Variants in PRR4 observed in about 807,000 individuals in gnomAD.
PRR4 encodes proline-rich protein 4.
PRR4 carries 7 observed loss-of-function variants against 7.6 expected under a neutral mutation model. That is an observed-to-expected ratio of 0.92 (90% confidence interval 0.52 to 1.73). The LOEUF (loss-of-function observed/expected upper bound fraction) is 1.73, where lower values mean the gene tolerates loss of function less well. PRR4 is among the 40% of genes most tolerant of loss of function. The pLI is 0.00. For synonymous variants in PRR4, 64 were observed against 58.5 expected (o/e 1.09, Z -0.43); for missense variants, 187 against 161.0 (o/e 1.16, Z -0.87).
intron 1 of PRR4, 70 bp downstream of exon 1, chr12:10,849,304 G>T: frequency 1.1e-6 from 1 of 939,478 alleles, no homozygotes; most frequent in Non-Finnish European, 1.6e-6. Context: ...GTGAACCCCT[G>T]AGGCCCTAGA....
Position 10,846,895 on chromosome 12 carries a change from A to G in PRR4, c.*18+150T>C, listed in dbSNP as rs1949024901. ...CTTGTTAAAAATACAAGGACTTGCA[A>G]CCTTATCCAAGAATATCTGAATACA... On this transcript the variant is annotated intron_variant, in intron 3 of 3. Coordinates refer to ENST00000228811, the MANE Select transcript of PRR4 (RefSeq NM_007244.3). 5 of 734,318 alleles carry G rather than the reference A, an allele frequency of 6.8e-6. No homozygotes were observed. The South Asian group carries it at 1.3e-4, about 19-fold the overall frequency. 45.5% of individuals were successfully genotyped at this position (734,318 alleles called of 1,614,324 possible). A position where few individuals can be genotyped will look rare whatever the true frequency, so the allele number is the denominator to read the frequency against.
intron 1 of PRR4, chr12:10,848,881 C>T (rs931470527): frequency 2.5e-5 from 4 of 158,350 alleles, no homozygotes; most frequent in Non-Finnish European, 5.5e-5. Context: ...TATTTCTATA[C>T]CACTATGTAG....
chr12:10,849,078 A>G, intron 1 of PRR4: 1 of 168,770 alleles, frequency 5.9e-6, no homozygotes, highest in East Asian at 1.6e-4. Context: ...CATCCTTCAC[A>G]GCACAGCCAG....
intron 1 of PRR4, chr12:10,848,668 T>A (rs114009206): frequency 6.6e-4 from 257 of 391,102 alleles, no homozygotes; most frequent in African/African-American, 4.7e-3. Context: ...CTAATGCTAA[T>A]TTAGGCACAC....
At position 10,846,308 on chromosome 12, in the gene PRR4, T is replaced by A. The variant is rs186747740; in HGVS notation, c.*19-358A>T. Among the ~76,000 whole-genome samples the A allele has an allele frequency of 1.1e-4, 16 of 152,286 alleles. No homozygotes were observed. In the East Asian group the frequency reaches 2.3e-3, roughly 22 times the overall value. ...AGATCTATAGGTCTCCGTGAAATGA[T>A]AAAGTTGTCTAAGACATGTATTATT... On this transcript the variant is annotated intron_variant, in intron 3 of 3. Transcript: ENST00000228811.
rs766670007 is a variant in PRR4, at chr12:10,847,161, A to C, written c.307T>G (p.Ser103Ala). The C allele has an allele frequency of 6.2e-7, 1 of 1,613,654 alleles. No homozygotes were observed. The highest frequency in any genetic ancestry group is 8.5e-7 in the Non-Finnish European group (1 of 1,179,830). Residue 103 changes from serine (S) to alanine (A), a missense_variant, in exon 3 of 4, where the codon TCT becomes GCT. By Grantham distance (99) the Ser-to-Ala change is moderately conservative (BLOSUM62 1). Coordinates refer to ENST00000228811, the MANE Select transcript of PRR4 (RefSeq NM_007244.3). Reference sequence around the variant, plus strand: ...CTGACAGAAGGAAATCGGGGTAGAGAGAGTTGACGGTGTCCTCGTCGGGGT... The same window carrying C: ...CTGACAGAAGGAAATCGGGGTAGAGCGAGTTGACGGTGTCCTCGTCGGGGT... ...RPPRRGHRQL[S>A]LPRFPSVSLQ...
rs771692134 is a variant in PRR4, at chr12:10,847,179, G to A, written c.289C>T (p.Arg97Ter). ...PFQNQQRPPR[R>*]GHRQLSLPRF... is the part of the protein sequence containing the mutation. ...GGTAGAGAGAGTTGACGGTGTCCTC[G>A]TCGGGGTGGTCGTTGCTGATTTTGA... Residue 97 changes from arginine (R) to a stop codon, truncating the protein, a stop_gained, in exon 3 of 4, where the codon CGA (arginine) becomes TGA (stop). Transcript: ENST00000228811. LOFTEE classifies it low-confidence loss of function (END_TRUNC). 48 of 1,613,760 alleles carry A rather than the reference G, an allele frequency of 3.0e-5. No individual in the cohort carries two copies. Among genetic ancestry groups the A allele is most frequent in the Non-Finnish European group, 3.8e-5 (45 of 1,179,890 alleles).
rs1340660234 is a variant in PRR4, at chr12:10,847,288, A to T, written c.180T>A (p.Gly60=). ...PPEGLLPRPP[G]DSGNQDDGPQ... ...GACCATCATCTTGGTTACCACTATC[A>T]CCAGGGGGTCTAGGTAGGAGTCCTT... Residue 60 remains glycine, a synonymous_variant, in exon 3 of 4, where the codon GGT becomes GGA. Coordinates refer to ENST00000228811, the MANE Select transcript of PRR4 (RefSeq NM_007244.3). The T allele has an allele frequency of 1.2e-6, 2 of 1,609,552 alleles. No individual in the cohort carries two copies. Among genetic ancestry groups the T allele is most frequent in the Non-Finnish European group, 8.5e-7 (1 of 1,177,184 alleles).
rs1369520425 is a variant in PRR4 at position 10,848,386 on chromosome 12, G to T, written c.86C>A (p.Thr29Asn). The T allele has an allele frequency of 1.3e-5, 21 of 1,610,770 alleles. No homozygotes were observed. The highest frequency in any genetic ancestry group is 1.5e-5 in the Non-Finnish European group (18 of 1,177,244). ...TTGGGATTTACCTGGTATGGTGAAA[G>T]TAAAGTCTTCATAGTTCACATCTAG... The part of the protein sequence containing the change: ...TDNDVNYEDF[T>N]FTIPDVEDSS... Residue 29 changes from threonine to asparagine, a missense_variant, in exon 2 of 4, where the codon ACT becomes AAT. Physicochemically the swap from Thr to Asn is moderately conservative, Grantham distance 65. Transcript: ENST00000228811.
intron 3 of PRR4, 94 bp from the exon 4 acceptor site, chr12:10,846,044 T>C (rs1283157611): frequency 1.1e-6 from 1 of 876,166 alleles, no homozygotes; most frequent in Non-Finnish European, 1.5e-6. Context: ...AAGTAAATTA[T>C]TGCTTTCAAG....
intron 3 of PRR4, 97 bp from the exon 4 acceptor site, chr12:10,846,047 C>T (rs1949012849): frequency 7.1e-6 from 6 of 840,648 alleles, no homozygotes; most frequent in Non-Finnish European, 8.0e-6. Flanking sequence ...TAAATTATTG[C>T]TTTCAAGATT....
In PRR4 at chr12:10,845,933, T is replaced by C; in HGVS notation, c.*36A>G. On this transcript the variant is annotated 3_prime_UTR_variant, in exon 4 of 4. Transcript: ENST00000228811. ...AATGTCATGGCTTTCTGAAGGAAGT[T>C]ATCTTCTTATTTATTTTCTGAAACA... 1 of 1,336,322 alleles carries C rather than the reference T, an allele frequency of 7.5e-7. No individual in the cohort carries two copies. Among genetic ancestry groups the C allele is most frequent in the Admixed American group, 2.8e-5 (1 of 35,114 alleles). The allele number at this position is 1,336,322 out of a possible 1,614,324, so 82.8% of individuals were successfully genotyped here. A position where few individuals can be genotyped will look rare whatever the true frequency, so the allele number is the denominator to read the frequency against.
intron 2 of PRR4, among the ~76,000 whole-genome samples, chr12:10,847,647 T>A (rs1949038421): frequency 6.7e-6 from 1 of 149,958 alleles, no homozygotes; most frequent in Non-Finnish European, 1.5e-5. Context: ...TGCCAGAGGA[T>A]GTCTCCAAGG....
chr12:10,847,043 A>G lies in PRR4; in HGVS notation c.*18+2T>C. The stretch of plus-strand genomic sequence containing the variant: ...TTAATGGAGAATGAACTGGAATCAT[A>G]CCTGCCACTGAATTCTAGATTACCA... On this transcript the variant is annotated splice_donor_variant, in intron 3 of 3. Coordinates refer to ENST00000228811, the MANE Select transcript of PRR4 (RefSeq NM_007244.3). LOFTEE classifies it low-confidence loss of function (3UTR_SPLICE). The G allele has an allele frequency of 1.3e-6, 2 of 1,544,492 alleles. No homozygotes were observed. The highest frequency in any genetic ancestry group is 1.8e-6 in the Non-Finnish European group (2 of 1,139,924).
chr12:10,846,150 T>C (rs1055959929), intron 3 of PRR4, among the ~76,000 whole-genome samples, 200 bp from the exon 4 acceptor site: 1 of 152,184 alleles, frequency 6.6e-6, no homozygotes, highest in Non-Finnish European at 1.5e-5. Flanking sequence ...CTTGAACCTG[T>C]AGTAGTGAAA....
chr12:10,847,149 A>C lies in PRR4; in HGVS notation c.319T>G (p.Phe107Val). The C allele has an allele frequency of 1.2e-6, 2 of 1,613,520 alleles. No homozygotes were observed. Among genetic ancestry groups the C allele is most frequent in the Non-Finnish European group, 1.7e-6 (2 of 1,179,678 alleles). Reference protein sequence around the residue: ...RGHRQLSLPRFPSVSLQEASS... With the variant: ...RGHRQLSLPRVPSVSLQEASS... ...GCTTCCTGCAGGCTGACAGAAGGAA[A>C]TCGGGGTAGAGAGAGTTGACGGTGT... Residue 107 changes from phenylalanine to valine, a missense_variant, in exon 3 of 4, where the codon TTT (phenylalanine) becomes GTT (valine). Transcript: ENST00000228811.
chr12:10,845,866 T>C lies in PRR4; in HGVS notation c.*103A>G. 1 of 1,090,604 alleles carries C rather than the reference T, an allele frequency of 9.2e-7. No homozygotes were observed. The highest frequency in any genetic ancestry group is 1.2e-6 in the Non-Finnish European group (1 of 830,568). The allele number at this position is 1,090,604 out of a possible 1,614,324, so 67.6% of individuals were successfully genotyped here. ...ATCAGAAATTGCATGCTATTAATATTTTATTGGTATACTGAAGAAAGAGTT... is the reference window on the plus strand; with the variant it reads ...ATCAGAAATTGCATGCTATTAATATCTTATTGGTATACTGAAGAAAGAGTT... On this transcript the variant is annotated 3_prime_UTR_variant, in exon 4 of 4. Coordinates refer to ENST00000228811, the MANE Select transcript of PRR4 (RefSeq NM_007244.3).
Position 10,848,431 on chromosome 12 carries a change from A to G in PRR4, c.65-24T>C, listed in dbSNP as rs1949051475. Reference sequence around the variant, plus strand: ...ATCTAGGAAAAGAAGCACAGGATGAAGTGAACATTACCTCATAAATCTTTC... The same window carrying G: ...ATCTAGGAAAAGAAGCACAGGATGAGGTGAACATTACCTCATAAATCTTTC... On this transcript the variant is annotated intron_variant, in intron 1 of 3. Transcript: ENST00000228811. 5 of 1,608,324 alleles carry G rather than the reference A, an allele frequency of 3.1e-6. No homozygotes were observed. In the Admixed American group the frequency reaches 6.7e-5, roughly 22 times the overall value.
intron 2 of PRR4, 96 bp downstream of exon 2, chr12:10,848,275 CA>C (rs537966683): frequency 2.7e-5 from 35 of 1,286,680 alleles, no homozygotes; most frequent in Admixed American, 6.2e-5. Flanking sequence ...CACCTCCTCC[CA>C]AAAAAATGAT....
Sources: allele counts gnomAD v4.1 joint callset (sites outside exome capture counted in the v4.1 genomes callset), GRCh38; gene constraint gnomAD v4.1.1; transcripts MANE v1.5; gene names NCBI Gene and HGNC (gene_info 2026-07-23, HGNC 2026-07-21).